TRAK1: variants seen among roughly 807,000 people sequenced by gnomAD.
The protein encoded by TRAK1 is trafficking kinesin-binding protein 1.
TRAK1 carries 33 observed loss-of-function variants against 92.1 expected under a neutral mutation model. That is an observed-to-expected ratio of 0.36 (90% CI 0.27 to 0.48). The LOEUF is 0.48. Ranked by LOEUF, TRAK1 falls within the 20% of genes least tolerant of loss-of-function variation. The pLI, the probability that TRAK1 is intolerant of heterozygous loss-of-function variation, is 0.99. For missense variants in TRAK1, 1,123 were observed against 1,257.9 expected (o/e 0.89, Z 1.62); for synonymous variants, 521 against 517.3 (o/e 1.01, Z -0.10).
intron 2 of TRAK1, among the ~76,000 whole-genome samples, chr3:42,165,986 C>T (rs1046360254): frequency 6.6e-6 from 1 of 152,094 alleles, no homozygotes; most frequent in Non-Finnish European, 1.5e-5. Context: ...TGGGGCCTGT[C>T]CCGTGTCCCT....
intron 3 of TRAK1, among the ~76,000 whole-genome samples, chr3:42,182,048 C>T (rs928712084): frequency 7.3e-5 from 11 of 150,992 alleles, no homozygotes; most frequent in African/African-American, 2.7e-4. Flanking sequence ...GGAGATCCTC[C>T]TGCCTTGGCC....
intron 2 of TRAK1, chr3:42,151,562 G>T (rs1164963163): frequency 6.8e-6 from 2 of 295,134 alleles, no homozygotes; most frequent in Non-Finnish European, 6.6e-6. Context: ...AGAATTTACT[G>T]GGACCACTGG....
Position 42,196,956 on chromosome 3 carries a change from C to CCTCTCT in TRAK1, c.1113+2030_1113+2035dup, listed in dbSNP as rs145953745. On this transcript the variant is annotated intron_variant, in intron 10 of 15. Transcript: ENST00000327628. Reference sequence around the variant, plus strand: ...CTGAACTAATTTCTCTCTCCTTTCTCCTCTCTCTCTCTCTCTCTCTTTCTC... The same window carrying CCTCTCT: ...CTGAACTAATTTCTCTCTCCTTTCTCCTCTCTCTCTCTCTCTCTCTCTCTCTTTCTC... Among the ~76,000 whole-genome samples the CCTCTCT allele has an allele frequency of 1.5e-3, 213 of 143,596 alleles. 1 individual carries two copies. Among genetic ancestry groups the CCTCTCT allele is most frequent in the African/African-American group, 5.3e-3 (206 of 38,556 alleles). The allele number at this position is 143,596 out of a possible 152,430, so 94.2% of individuals were successfully genotyped here.
chr3:42,188,119 T>A lies in TRAK1; in HGVS notation c.555T>A (p.Ser185Arg), dbSNP rs746238099. 2 of 1,613,706 alleles carry A rather than the reference T, an allele frequency of 1.2e-6. No individual in the cohort carries two copies. Among genetic ancestry groups the A allele is most frequent in the African/African-American group, 1.3e-5 (1 of 74,812 alleles). ...TCTACACCAGCGCTGCGGAGGAGAG[T>A]GAGCCCGAGTCCGTTTGCTCAACCC... Reference protein sequence around the residue: ...LQFYTSAAEESEPESVCSTPL... With the variant: ...LQFYTSAAEEREPESVCSTPL... Residue 185 changes from serine to arginine, a missense_variant, in exon 5 of 16, where the codon AGT becomes AGA. Transcript: ENST00000327628.
intron 3 of TRAK1, among the ~76,000 whole-genome samples, chr3:42,182,064 A>G (rs1348874551): frequency 6.6e-6 from 1 of 151,326 alleles, no homozygotes; most frequent in Non-Finnish European, 1.5e-5. Flanking sequence ...TGGCCTTCCA[A>G]AGTGCTGGGA....
intron 14 of TRAK1, chr3:42,217,100 T>C (rs1300177247): frequency 1.2e-4 from 24 of 205,396 alleles, no homozygotes; most frequent in African/African-American, 5.7e-4. Flanking sequence ...TCTCTCTCTT[T>C]TTTTTTTTTT....
chr3:42,075,912 G>A (rs181912807), intron 1 of TRAK1, among the ~76,000 whole-genome samples: 7 of 152,000 alleles, frequency 4.6e-5, no homozygotes, highest in African/African-American at 1.4e-4. Context: ...GCACGATCTC[G>A]ACTCACTGCC....
intron 14 of TRAK1, chr3:42,218,156 C>T: frequency 1.0e-6 from 1 of 985,362 alleles, no homozygotes; most frequent in Non-Finnish European, 1.2e-6. Context: ...TTTGTCCTGC[C>T]TACCTTTAAT....
intron 8 of TRAK1, 46 bp downstream of exon 8, chr3:42,193,251 G>A: frequency 6.2e-7 from 1 of 1,605,056 alleles, no homozygotes; most frequent in Non-Finnish European, 8.5e-7. Context: ...TGGCCATGCT[G>A]AGACGGGGAA....
At chr3:42,015,950 T>C (rs1485130186) in intron 1 of TRAK1, among the ~76,000 whole-genome samples, 4 of 151,976 alleles carry the variant, frequency 2.6e-5, no homozygotes, top group African/African-American at 9.7e-5. Context: ...GTCAGGAGAA[T>C]AGCTTGAATC....
intron 1 of TRAK1, among the ~76,000 whole-genome samples, chr3:42,106,339 T>C (rs1002434449): frequency 1.1e-4 from 17 of 151,196 alleles, no homozygotes; most frequent in African/African-American, 4.1e-4. Flanking sequence ...ACCAAGCAAA[T>C]GGAAAACAAA....
At chr3:42,083,955 G>T (rs1193890822), upstream of TRAK1, among the ~76,000 whole-genome samples, 1 of 151,814 alleles carries the variant, frequency 6.6e-6, no homozygotes, top group Admixed American at 6.6e-5. Context: ...AGAGATGTGG[G>T]GATACCTTTT....
chr3:42,061,677 A>C (rs903077027), intron 1 of TRAK1, among the ~76,000 whole-genome samples: 1 of 152,130 alleles, frequency 6.6e-6, no homozygotes, highest in Non-Finnish European at 1.5e-5. Context: ...GAATTTGGGA[A>C]TGTTCACTTT....
chr3:42,072,578 C>G (rs1453855837), intron 1 of TRAK1, among the ~76,000 whole-genome samples: 1 of 120,314 alleles, frequency 8.3e-6, no homozygotes. Context: ...TTCTCTTTTT[C>G]TTCCTCATTT....
In TRAK1 at chr3:42,186,228, C is replaced by T. The variant is rs188745784; in HGVS notation, c.480+1427C>T. On this transcript the variant is annotated intron_variant, in intron 4 of 15. Coordinates refer to ENST00000327628, the MANE Select transcript of TRAK1 (RefSeq NM_001042646.3). ...AACTCCTGGGCTCAAGCAATCCACCCGCCTTGGTCTCCCAAAATGCTGGGA... is the reference window on the plus strand; with the variant it reads ...AACTCCTGGGCTCAAGCAATCCACCTGCCTTGGTCTCCCAAAATGCTGGGA... Among the ~76,000 whole-genome samples, 177 of 152,182 alleles carry T rather than the reference C, an allele frequency of 1.2e-3. 1 individual carries two copies. Among genetic ancestry groups the T allele is most frequent in the African/African-American group, 3.8e-3 (159 of 41,520 alleles).
upstream of TRAK1, among the ~76,000 whole-genome samples, chr3:42,084,429 T>TA (rs1704577898): frequency 4.6e-5 from 7 of 152,178 alleles, no homozygotes; most frequent in South Asian, 4.1e-4. Context: ...CTCCATATTT[T>TA]TAAAAAAGTG....
chr3:42,034,831 T>C (rs757594775), intron 1 of TRAK1, among the ~76,000 whole-genome samples: 5 of 149,710 alleles, frequency 3.3e-5, no homozygotes, highest in Non-Finnish European at 7.5e-5. Context: ...CCTGAGCTAG[T>C]TTGTGCCACC....
intron 1 of TRAK1, among the ~76,000 whole-genome samples, chr3:42,124,215 G>C (rs1710272850): frequency 6.6e-6 from 1 of 151,752 alleles, no homozygotes. Flanking sequence ...GTCATTCCTA[G>C]AACAAAATAC....
In TRAK1 at chr3:42,218,669, C is replaced by T. The variant is rs748384656; in HGVS notation, c.1964-825C>T. Reference sequence around the variant, plus strand: ...CTTCCATGATTTAATCTGCTGCAGACCATAGTCTTCAGCCACCTCAGCAAT... The same window carrying T: ...CTTCCATGATTTAATCTGCTGCAGATCATAGTCTTCAGCCACCTCAGCAAT... On this transcript the variant is annotated intron_variant, in intron 14 of 15. Transcript: ENST00000327628. The T allele has an allele frequency of 3.0e-6, 3 of 985,346 alleles. No individual in the cohort carries two copies. In the African/African-American group the frequency reaches 5.2e-5, roughly 17 times the overall value. The allele number at this position is 985,346 out of a possible 1,614,324, so 61.0% of individuals were successfully genotyped here. A position where few individuals can be genotyped will look rare whatever the true frequency, so the allele number is the denominator to read the frequency against.
Sources: gnomAD v4.1 joint callset for allele counts (sites outside exome capture counted in the v4.1 genomes callset) on GRCh38, gnomAD v4.1.1 for gene constraint, MANE v1.5 for transcripts, NCBI Gene and HGNC (gene_info 2026-07-23, HGNC 2026-07-21) for gene names.